Variants in FTH1 observed in about 807,000 individuals in gnomAD.
FTH1 encodes the protein ferritin heavy chain.
In FTH1, 3 loss-of-function variants were observed where a neutral mutation model predicts 21.8. The ratio of observed to expected loss-of-function variants is 0.14; its 90% confidence interval spans 0.06 to 0.36. FTH1 has a LOEUF of 0.36. Ranked by LOEUF, FTH1 falls within the 10% of genes least tolerant of loss-of-function variation. FTH1 has a pLI of 1.00. For synonymous variants in FTH1, 83 were observed against 90.1 expected, an observed-to-expected ratio of 0.92 and a Z score of 0.45; for missense variants, 147 against 225.8, an observed-to-expected ratio of 0.65 and a Z score of 2.24.
intron 3 of FTH1, 21 bp from the exon 4 acceptor site, chr11:61,964,912 C>G: frequency 1.9e-6 from 3 of 1,612,828 alleles, no homozygotes; most frequent in Non-Finnish European, 2.5e-6. Flanking sequence ...ATGGGGAAGA[C>G]AGTTAGTGGG....
chr11:61,965,320 G>C, intron 2 of FTH1, 49 bp downstream of exon 2: 1 of 1,610,710 alleles, frequency 6.2e-7, no homozygotes, highest in African/African-American at 1.3e-5. Context: ...TCTGATACCC[G>C]AACACTGCCA....
In FTH1 at chr11:61,964,355, A is replaced by T; in HGVS notation, c.*372T>A. On this transcript the variant is annotated 3_prime_UTR_variant, in exon 4 of 4. Coordinates refer to ENST00000273550, the MANE Select transcript of FTH1 (RefSeq NM_002032.3). ...CTGAACCATTGGAAACATTTAACTC[A>T]GACTCTGGATTCAGAGTCGGGAACC... The T allele has an allele frequency of 1.2e-6, 1 of 839,490 alleles. No homozygotes were observed. Among genetic ancestry groups the T allele is most frequent in the Non-Finnish European group, 1.8e-6 (1 of 555,490 alleles). 52.0% of individuals were successfully genotyped at this position (839,490 alleles called of 1,614,324 possible).
chr11:61,964,564 C>A lies in FTH1; in HGVS notation c.*163G>T. On this transcript the variant is annotated 3_prime_UTR_variant, in exon 4 of 4. Transcript: ENST00000273550. ...CATCCCAAGACCTCAAAGACAACAC[C>A]TGGGTACCAAATTTCTTTATTTGAA... 4.8e-6 allele frequency: 4 copies of A among 829,356 alleles called. No homozygotes were observed. Among genetic ancestry groups the A allele is most frequent in the Non-Finnish European group, 7.7e-6 (4 of 518,506 alleles). 51.4% of individuals were successfully genotyped at this position (829,356 alleles called of 1,614,324 possible).
At chr11:61,966,315 A>C (rs545895755) in intron 1 of FTH1, among the ~76,000 whole-genome samples, 1 of 152,350 alleles carries the variant, frequency 6.6e-6, no homozygotes, top group African/African-American at 2.4e-5. Context: ...GCAAGGTGGC[A>C]AATGTGGACA....
intron 1 of FTH1, among the ~76,000 whole-genome samples, chr11:61,965,941 G>A (rs545832467): frequency 4.6e-5 from 7 of 152,246 alleles, no homozygotes; most frequent in African/African-American, 1.7e-4. Flanking sequence ...TTAAAACTGA[G>A]CTCAGGAGTC....
At chr11:61,965,682 T>C (rs1942439457) in intron 1 of FTH1, 167 bp from the exon 2 acceptor site, 5 of 733,492 alleles carry the variant, frequency 6.8e-6, no homozygotes, top group African/African-American at 3.5e-5. Context: ...AGCTACTGGA[T>C]TGAACCCAAG....
rs543520900 is a variant in FTH1 at position 61,966,269 on chromosome 11, G to GTC, written c.115-756_115-755dup. Among the ~76,000 whole-genome samples, 248 of 152,264 alleles carry GTC rather than the reference G, an allele frequency of 1.6e-3. 2 individuals carry two copies. Among genetic ancestry groups the GTC allele is most frequent in the African/African-American group, 5.7e-3 (238 of 41,536 alleles). ...AGCCTGGGCGACAGAGCGAGACTCT[G>GTC]TCTCTCACACACACACACAAATTAA... On this transcript the variant is annotated intron_variant, in intron 1 of 3. Transcript: ENST00000273550.
chr11:61,965,641 A>G (rs1942438056), intron 1 of FTH1, 126 bp from the exon 2 acceptor site: 1 of 994,558 alleles, frequency 1.0e-6, no homozygotes, highest in Non-Finnish European at 1.6e-6. Flanking sequence ...GCATGAAGGA[A>G]TCAGTGCCTA....
Position 61,967,453 on chromosome 11 carries a change from G to A in FTH1, c.-28C>T, listed in dbSNP as rs11230841. 242 of 1,492,778 alleles carry A rather than the reference G, an allele frequency of 1.6e-4. 2 individuals carry two copies. In the Admixed American group the frequency reaches 4.1e-3, roughly 26 times the overall value. The allele number at this position is 1,492,778 out of a possible 1,614,324, so 92.5% of individuals were successfully genotyped here. On this transcript the variant is annotated 5_prime_UTR_variant, in exon 1 of 4. Coordinates refer to ENST00000273550, the MANE Select transcript of FTH1 (RefSeq NM_002032.3). ...CGGCGACTAAGGAGAGGCGGCGGCGGCGGCGGTGGCTGCGCGGCGCTGGAG... is the reference window on the plus strand; with the variant it reads ...CGGCGACTAAGGAGAGGCGGCGGCGACGGCGGTGGCTGCGCGGCGCTGGAG...
chr11:61,967,472 G>A lies in FTH1; in HGVS notation c.-47C>T. 7.5e-7 allele frequency: 1 copy of A among 1,337,532 alleles called. No homozygotes were observed. Among genetic ancestry groups the A allele is most frequent in the Non-Finnish European group, 1.0e-6 (1 of 958,316 alleles). 82.9% of individuals were successfully genotyped at this position (1,337,532 alleles called of 1,614,324 possible). ...GCGGCGGCGGCGGTGGCTGCGCGGC[G>A]CTGGAGCGGCGGCGGGGGCCTTGGG... On this transcript the variant is annotated 5_prime_UTR_variant, in exon 1 of 4. Coordinates refer to ENST00000273550, the MANE Select transcript of FTH1 (RefSeq NM_002032.3).
Position 61,965,003 on chromosome 11 carries a change from T to G in FTH1, c.371A>C (p.Asp124Ala), listed in dbSNP as rs754709149. 4 of 1,614,114 alleles carry G rather than the reference T, an allele frequency of 2.5e-6. No individual in the cohort carries two copies. Among genetic ancestry groups the G allele is most frequent in the Non-Finnish European group, 8.5e-7 (1 of 1,180,032 alleles). The stretch of plus-strand genomic sequence containing the variant: ...AATACTCACATGGGGGTCATTTTTG[T>G]CAGTGGCCAGTTTGTGCAGTTCCAG... ...SLLELHKLATDKNDPHLCDFI... is the reference protein window; with the variant it reads ...SLLELHKLATAKNDPHLCDFI... The change falls in exon 3 of 4, where the codon GAC (aspartate) becomes GCC (alanine). Residue 124 changes from aspartate (D) to alanine (A), a missense_variant. Transcript: ENST00000273550.
intron 2 of FTH1, 78 bp downstream of exon 2, chr11:61,965,291 A>T: frequency 6.2e-7 from 1 of 1,601,218 alleles, no homozygotes; most frequent in African/African-American, 1.3e-5. Flanking sequence ...TATAAGGGCA[A>T]TTGCTAGTTT....
rs947836215 is a variant in FTH1 at position 61,964,865 on chromosome 11, G to A, written c.414C>T (p.Tyr138=). The A allele has an allele frequency of 6.2e-7, 1 of 1,604,858 alleles. No homozygotes were observed. Among genetic ancestry groups the A allele is most frequent in the Non-Finnish European group, 8.5e-7 (1 of 1,179,994 alleles). Reference sequence around the variant, plus strand: ...TGATGGCTTTCACCTGCTCATTCAGGTAATGTGTCTCAATGAAGTCACACA... The same window carrying A: ...TGATGGCTTTCACCTGCTCATTCAGATAATGTGTCTCAATGAAGTCACACA... ...PHLCDFIETH[Y]LNEQVKAIKE... is the part of the protein sequence containing the mutation. Residue 138 remains tyrosine, a synonymous_variant, in exon 4 of 4, where the codon TAC becomes TAT. Transcript: ENST00000273550.
intron 1 of FTH1, 118 bp from the exon 2 acceptor site, chr11:61,965,633 A>G: frequency 1.8e-6 from 2 of 1,115,912 alleles, no homozygotes; most frequent in African/African-American, 1.5e-5. Context: ...AAAGCACAGC[A>G]TGAAGGAATC....
chr11:61,967,296 G>A lies in FTH1; in HGVS notation c.114+16C>T, dbSNP rs779531508. 1 of 1,551,020 alleles carries A rather than the reference G, an allele frequency of 6.4e-7. No individual in the cohort carries two copies. The highest frequency in any genetic ancestry group is 1.2e-5 in the South Asian group (1 of 86,714). On this transcript the variant is annotated intron_variant, in intron 1 of 3. Coordinates refer to ENST00000273550, the MANE Select transcript of FTH1 (RefSeq NM_002032.3). ...GCGCCCGGCCCCCGCCACCGCTTAG[G>A]CCCGCCCGCGCTCACCATGGACAGG...
At position 61,964,969 on chromosome 11, in the gene FTH1, T is replaced by A. The variant is rs1176679206; in HGVS notation, c.387+18A>T. On this transcript the variant is annotated intron_variant, in intron 3 of 3. Coordinates refer to ENST00000273550, the MANE Select transcript of FTH1 (RefSeq NM_002032.3). ...CAAATGATTTCCTCCATTTATTTCC[T>A]GGGGTTCCAATACTCACATGGGGGT... 1 of 1,614,156 alleles carries A rather than the reference T, an allele frequency of 6.2e-7. No individual in the cohort carries two copies. Among genetic ancestry groups the A allele is most frequent in the Admixed American group, 1.7e-5 (1 of 60,022 alleles).
At chr11:61,966,933 G>A (rs115280577) in intron 1 of FTH1, 2,741 of 161,742 alleles carry the variant, frequency 0.017, 74 homozygotes, top group African/African-American at 0.063. Context: ...AAAAAACGCT[G>A]GCATTTAGGG....
chr11:61,964,955 C>T (rs747203605), intron 3 of FTH1, 32 bp downstream of exon 3: 28 of 1,613,932 alleles, frequency 1.7e-5, no homozygotes, highest in Admixed American at 1.0e-4. Flanking sequence ...AAATGATTTC[C>T]TCCATTTATT....
At chr11:61,965,283 T>G in intron 2 of FTH1, 86 bp downstream of exon 2, 1 of 1,596,762 alleles carries the variant, frequency 6.3e-7, no homozygotes, top group Non-Finnish European at 8.6e-7. Context: ...CATCACTTTA[T>G]AAGGGCAATT....
Sources: gnomAD v4.1 joint callset for allele counts (sites outside exome capture counted in the v4.1 genomes callset) on GRCh38, gnomAD v4.1.1 for gene constraint, MANE v1.5 for transcripts, NCBI Gene and HGNC (gene_info 2026-07-23, HGNC 2026-07-21) for gene names.